Variants in PGBD2 observed in about 807,000 individuals in gnomAD.
PGBD2 encodes piggyBac transposable element-derived protein 2.
A neutral mutation model predicts 8.1 loss-of-function variants in PGBD2; 6 were observed. The observed-to-expected ratio is 0.74, with a 90% CI of 0.40 to 1.46. PGBD2 has a LOEUF of 1.46. Ranked by LOEUF, PGBD2 falls within the 40% of genes most tolerant of loss-of-function variation. The pLI, the probability that PGBD2 is intolerant of heterozygous loss-of-function variation, is 0.02. For missense variants in PGBD2, 802 were observed against 739.0 expected, an observed-to-expected ratio of 1.09 and a Z score of -0.99; for synonymous variants, 318 against 272.2, an observed-to-expected ratio of 1.17 and a Z score of -1.66.
chr1:248,920,467 G>C (rs890260814), downstream of PGBD2, among the ~76,000 whole-genome samples: 1 of 152,156 alleles, frequency 6.6e-6, no homozygotes, highest in Non-Finnish European at 1.5e-5. Context: ...CCCTGCAAAG[G>C]ACATGAACTC....
chr1:248,907,736 A>G (rs992847690), intron 1 of PGBD2, among the ~76,000 whole-genome samples: 1 of 152,192 alleles, frequency 6.6e-6, no homozygotes, highest in African/African-American at 2.4e-5. Flanking sequence ...ATTCCATACA[A>G]CACATGTTTT....
the PGBD2 span, among the ~76,000 whole-genome samples, chr1:248,875,094 G>A: frequency 6.6e-6 from 1 of 151,968 alleles, no homozygotes; most frequent in Non-Finnish European, 1.5e-5. Flanking sequence ...TCAGGAGATC[G>A]AGACCATCCC....
At chr1:248,874,166 C>G in the PGBD2 span, among the ~76,000 whole-genome samples, 2 of 152,088 alleles carry the variant, frequency 1.3e-5, no homozygotes, top group African/African-American at 4.8e-5. Context: ...GCGAGAAAAC[C>G]GCATCCAATC....
upstream of PGBD2, among the ~76,000 whole-genome samples, chr1:248,904,773 C>A (rs1661591183): frequency 6.6e-6 from 1 of 152,200 alleles, no homozygotes; most frequent in African/African-American, 2.4e-5. Flanking sequence ...TACCAACCTT[C>A]CCTGACCAAA....
the PGBD2 span, among the ~76,000 whole-genome samples, chr1:248,889,767 C>T: frequency 6.6e-6 from 1 of 151,976 alleles, no homozygotes; most frequent in Non-Finnish European, 1.5e-5. Flanking sequence ...TGCTCTAAGA[C>T]AGGGAAGCTA....
At chr1:248,883,323 A>G in the PGBD2 span, among the ~76,000 whole-genome samples, 3 of 151,972 alleles carry the variant, frequency 2.0e-5, no homozygotes, top group Non-Finnish European at 2.9e-5. Context: ...AGGTTTCTCC[A>G]TGTTGGTCAG....
At chr1:248,892,020 G>C in the PGBD2 span, among the ~76,000 whole-genome samples, 2 of 152,190 alleles carry the variant, frequency 1.3e-5, no homozygotes, top group African/African-American at 2.4e-5. Context: ...AAAAGGATCA[G>C]AATCTAGTTT....
upstream of PGBD2, among the ~76,000 whole-genome samples, chr1:248,904,794 C>T (rs1284906163): frequency 6.6e-6 from 1 of 152,234 alleles, no homozygotes; most frequent in Non-Finnish European, 1.5e-5. Context: ...TTATTTAAAA[C>T]TGAATTCACA....
the PGBD2 span, among the ~76,000 whole-genome samples, chr1:248,887,366 C>T: frequency 3.3e-5 from 5 of 152,078 alleles, no homozygotes; most frequent in African/African-American, 7.2e-5. Flanking sequence ...TTGACCTGGA[C>T]GCTTTTTAGG....
the PGBD2 span, among the ~76,000 whole-genome samples, chr1:248,889,590 A>G: frequency 4.6e-5 from 7 of 152,164 alleles, no homozygotes; most frequent in Admixed American, 2.0e-4. Flanking sequence ...CTTATCTTCT[A>G]ACTACAAGCA....
downstream of PGBD2, among the ~76,000 whole-genome samples, chr1:248,921,476 T>C (rs1429430214): frequency 6.6e-6 from 1 of 152,202 alleles, no homozygotes; most frequent in Non-Finnish European, 1.5e-5. Flanking sequence ...GAGGTCTCTA[T>C]TCTGTTCCAT....
Position 248,917,673 on chromosome 1 carries a change from G to T in PGBD2, c.1089G>T (p.Leu363Phe), listed in dbSNP as rs887319085. 1.2e-6 allele frequency: 2 copies of T among 1,614,066 alleles called. No homozygotes were observed. Among genetic ancestry groups the T allele is most frequent in the African/African-American group, 2.7e-5 (2 of 74,920 alleles). Residue 363 changes from leucine to phenylalanine, a missense_variant, in exon 3 of 3, where the codon TTG becomes TTT. Physicochemically the swap from Leu to Phe is conservative, Grantham distance 22. Coordinates refer to ENST00000329291, the MANE Select transcript of PGBD2 (RefSeq NM_170725.3). ...VFTSVKLMSI[L>F]RKKGVKATGT... ...CAAGTGTTAAACTGATGTCCATTTTGAGGAAAAAGGGGGTGAAAGCCACAG... is the reference window on the plus strand; with the variant it reads ...CAAGTGTTAAACTGATGTCCATTTTTAGGAAAAAGGGGGTGAAAGCCACAG...
the PGBD2 span, among the ~76,000 whole-genome samples, chr1:248,928,474 G>GCTT: frequency 6.6e-6 from 1 of 152,096 alleles, no homozygotes; most frequent in Non-Finnish European, 1.5e-5. Flanking sequence ...TGACCCAAAT[G>GCTT]CTTCTGTTTC....
chr1:248,911,651 C>T (rs1023747395), intron 1 of PGBD2, among the ~76,000 whole-genome samples: 88 of 148,038 alleles, frequency 5.9e-4, no homozygotes, highest in Admixed American at 1.1e-3. Context: ...CCAGACGGGG[C>T]GGCTGGCCGG....
chr1:248,919,273 C>G (rs369399013), downstream of PGBD2: 1 of 167,112 alleles, frequency 6.0e-6, no homozygotes, highest in South Asian at 2.1e-4. Context: ...CTTCTTTCCA[C>G]TCTGTGTGTC....
At chr1:248,905,293 C>T (rs1487339412), upstream of PGBD2, among the ~76,000 whole-genome samples, 3 of 151,576 alleles carry the variant, frequency 2.0e-5, no homozygotes, top group Admixed American at 2.0e-4. Flanking sequence ...ACTAAGTGGC[C>T]CTCTTTTTGA....
intron 1 of PGBD2, chr1:248,912,803 T>G (rs1482208251): frequency 7.0e-6 from 1 of 142,636 alleles, no homozygotes; most frequent in Non-Finnish European, 1.5e-5. Flanking sequence ...CGCTCAGATT[T>G]TTTTTTTTTT....
chr1:248,893,581 C>T, the PGBD2 span, among the ~76,000 whole-genome samples: 165 of 152,270 alleles, frequency 1.1e-3, 2 homozygotes, highest in Admixed American at 1.2e-3. Flanking sequence ...GAATAATATT[C>T]TGTTGTCTGT....
At chr1:248,920,224 G>A (rs536794327), downstream of PGBD2, among the ~76,000 whole-genome samples, 178 of 151,830 alleles carry the variant, frequency 1.2e-3, no homozygotes, top group Admixed American at 5.5e-3. Flanking sequence ...AGGTATACAC[G>A]TGCCATGGTG....
Sources: gnomAD v4.1 joint callset for allele counts (sites outside exome capture counted in the v4.1 genomes callset) on GRCh38, gnomAD v4.1.1 for gene constraint, MANE v1.5 for transcripts, NCBI Gene and HGNC (gene_info 2026-07-23, HGNC 2026-07-21) for gene names.